The following EPDR1 variants were observed in gnomAD, a reference collection of about 807,000 sequenced individuals.
EPDR1 encodes ependymin related 1, also known as mammalian ependymin-related protein 1.
In EPDR1, 27 loss-of-function variants were observed where a neutral mutation model predicts 23.7. The ratio of observed to expected loss-of-function variants is 1.14; its 90% CI spans 0.84 to 1.57. EPDR1 has a LOEUF of 1.57. EPDR1 is among the 40% of genes most tolerant of loss of function. The pLI is 0.00. For synonymous variants in EPDR1, 137 were observed against 118.2 expected, an observed-to-expected ratio of 1.16 and a Z score of -1.03; for missense variants, 349 against 290.4, an observed-to-expected ratio of 1.20 and a Z score of -1.47.
At chr7:37,935,414 A>G (rs908419789) in intron 1 of EPDR1, among the ~76,000 whole-genome samples, 1 of 152,222 alleles carries the variant, frequency 6.6e-6, no homozygotes, top group Non-Finnish European at 1.5e-5. Flanking sequence ...GATGATGATA[A>G]ACACAAATAT....
At chr7:37,937,729 C>T (rs755190497) in intron 1 of EPDR1, among the ~76,000 whole-genome samples, 1 of 152,134 alleles carries the variant, frequency 6.6e-6, no homozygotes, top group Non-Finnish European at 1.5e-5. Flanking sequence ...TAAAAAGTTT[C>T]TCAAGTTCCA....
At chr7:37,932,053 T>C (rs1299676614) in intron 1 of EPDR1, among the ~76,000 whole-genome samples, 1 of 152,138 alleles carries the variant, frequency 6.6e-6, no homozygotes, top group Admixed American at 6.5e-5. Context: ...CTCTGCTTTT[T>C]TGTTGGTTCC....
intron 1 of EPDR1, among the ~76,000 whole-genome samples, chr7:37,930,540 C>T (rs547750921): frequency 6.6e-5 from 10 of 152,306 alleles, no homozygotes; most frequent in Non-Finnish European, 1.2e-4. Context: ...CTTCTTCTCA[C>T]AGTCAAGCCC....
In EPDR1 at chr7:37,922,668, G is replaced by T. The variant is rs547756192; in HGVS notation, c.269+1460G>T. ...CACAGCTAATGCTTGAGGAAGCTAG[G>T]GGGGGGTTCTGACGCCTATGGTATA... is the stretch of plus-strand genomic sequence containing the variant. On this transcript the variant is annotated intron_variant, in intron 1 of 2. Transcript: ENST00000199448. Among the ~76,000 whole-genome samples the T allele has an allele frequency of 5.9e-5, 9 of 151,604 alleles. 1 individual carries two copies. Among genetic ancestry groups the T allele is most frequent in the South Asian group, 2.1e-4 (1 of 4,774 alleles).
chr7:37,944,716 G>C (rs1455274787), intron 1 of EPDR1, among the ~76,000 whole-genome samples: 1 of 152,112 alleles, frequency 6.6e-6, no homozygotes, highest in African/African-American at 2.4e-5. Context: ...CCTCCCCCCA[G>C]GTCCCTCCCA....
intron 2 of EPDR1, among the ~76,000 whole-genome samples, chr7:37,949,751 G>T (rs868681565): frequency 2.0e-5 from 3 of 152,156 alleles, no homozygotes. Flanking sequence ...ACAAAATCTG[G>T]TATAGTCATA....
intron 1 of EPDR1, among the ~76,000 whole-genome samples, chr7:37,943,004 G>T (rs1317233980): frequency 6.6e-6 from 1 of 152,206 alleles, no homozygotes; most frequent in Admixed American, 6.5e-5. Context: ...TGTGGTTGCC[G>T]TGGAGAGCTT....
At chr7:37,948,765 AGGTGTTTGT>A (rs1786333516) in intron 1 of EPDR1, 66 bp from the exon 2 acceptor site, 2 of 1,079,554 alleles carry the variant, frequency 1.9e-6, no homozygotes, top group Admixed American at 1.8e-5. Context: ...TATCTATCAA[AGGTGTTTGT>A]GCTGTTAAAA....
At chr7:37,928,399 TAA>T (rs34272919) in intron 1 of EPDR1, among the ~76,000 whole-genome samples, 17 of 146,938 alleles carry the variant, frequency 1.2e-4, no homozygotes, top group East Asian at 1.0e-3. Flanking sequence ...CATCTTTAAA[TAA>T]AAAAAAAAAA....
At chr7:37,935,999 T>TAC (rs1786038241) in intron 1 of EPDR1, among the ~76,000 whole-genome samples, 1 of 50,068 alleles carries the variant, frequency 2.0e-5, no homozygotes, top group South Asian at 7.7e-4. Context: ...ATGGCATATA[T>TAC]ATATATATAT....
intron 1 of EPDR1, among the ~76,000 whole-genome samples, chr7:37,945,880 C>T (rs777206046): frequency 7.2e-5 from 11 of 152,286 alleles, no homozygotes; most frequent in East Asian, 5.8e-4. Context: ...CCCCCTCCCC[C>T]AAGCTCCACC....
intron 1 of EPDR1, among the ~76,000 whole-genome samples, chr7:37,935,342 C>G (rs1291463469): frequency 1.3e-5 from 2 of 152,128 alleles, no homozygotes; most frequent in African/African-American, 4.8e-5. Flanking sequence ...TTCTTTGTTA[C>G]GTAGTAGAGC....
At chr7:37,922,683 C>T (rs184160698) in intron 1 of EPDR1, among the ~76,000 whole-genome samples, 1 of 151,118 alleles carries the variant, frequency 6.6e-6, no homozygotes, top group East Asian at 2.0e-4. Flanking sequence ...GGTTCTGACG[C>T]CTATGGTATA....
intron 1 of EPDR1, among the ~76,000 whole-genome samples, chr7:37,939,220 C>T (rs62443120): frequency 6.6e-6 from 1 of 152,044 alleles, no homozygotes; most frequent in Admixed American, 6.6e-5. Flanking sequence ...ACCTCATGAT[C>T]TGCCTGCCTC....
intron 1 of EPDR1, among the ~76,000 whole-genome samples, chr7:37,930,513 C>T (rs955809771): frequency 7.9e-5 from 12 of 152,196 alleles, no homozygotes; most frequent in Non-Finnish European, 1.6e-4. Flanking sequence ...ATTGTGTTTC[C>T]TGTAGGTGTG....
At chr7:37,946,248 A>G (rs1244080073) in intron 1 of EPDR1, among the ~76,000 whole-genome samples, 1 of 152,210 alleles carries the variant, frequency 6.6e-6, no homozygotes, top group African/African-American at 2.4e-5. Flanking sequence ...GTATATACAC[A>G]GTAATGGGAT....
chr7:37,945,222 C>A (rs1197986087), intron 1 of EPDR1, among the ~76,000 whole-genome samples: 1 of 152,158 alleles, frequency 6.6e-6, no homozygotes, highest in Non-Finnish European at 1.5e-5. Context: ...CAAACCCAAA[C>A]TTTTTCAAAG....
intron 1 of EPDR1, among the ~76,000 whole-genome samples, chr7:37,932,360 C>T (rs1359374067): frequency 6.6e-6 from 1 of 152,060 alleles, no homozygotes; most frequent in Non-Finnish European, 1.5e-5. Context: ...TGGCCTCAAA[C>T]TCCTGGGCTC....
rs57925993 is a variant in EPDR1, at chr7:37,936,039, T to TATATACAC, written c.270-12800_270-12799insTATACACA. On this transcript the variant is annotated intron_variant, in intron 1 of 2. Transcript: ENST00000199448. ...ATATATATATATATATATATATATA[T>TATATACAC]ACACAAGGGAAATGTGAATCTGTTA... Among the ~76,000 whole-genome samples, 499 of 80,934 alleles carry TATATACAC rather than the reference T, an allele frequency of 6.2e-3. 88 individuals carry two copies. Among genetic ancestry groups the TATATACAC allele is most frequent in the East Asian group, 0.015 (33 of 2,220 alleles). 53.1% of individuals were successfully genotyped at this position (80,934 alleles called of 152,430 possible).
Sources: gnomAD v4.1 joint callset for allele counts (sites outside exome capture counted in the v4.1 genomes callset) on GRCh38, gnomAD v4.1.1 for gene constraint, MANE v1.5 for transcripts, NCBI Gene and HGNC (gene_info 2026-07-23, HGNC 2026-07-21) for gene names.